The following RAB3IL1 variants were observed in gnomAD, a reference collection of about 807,000 sequenced individuals.
The protein encoded by RAB3IL1 is guanine nucleotide exchange factor for Rab-3A.
A neutral mutation model predicts 49.2 loss-of-function variants in RAB3IL1; 37 were observed. That is an observed-to-expected ratio of 0.75 (90% CI 0.58 to 0.99). The LOEUF (loss-of-function observed/expected upper bound fraction) is 0.99, where lower values mean the gene tolerates loss of function less well. Among genes scored for constraint, RAB3IL1 ranks in the 50% least tolerant of loss-of-function variants. RAB3IL1 has a pLI of 0.00. For synonymous variants in RAB3IL1, 193 were observed against 213.9 expected, an observed-to-expected ratio of 0.90 and a Z score of 0.85; for missense variants, 484 against 513.0, an observed-to-expected ratio of 0.94 and a Z score of 0.55.
intron 1 of RAB3IL1, among the ~76,000 whole-genome samples, chr11:61,909,025 C>T (rs1939343597): frequency 6.6e-6 from 1 of 152,174 alleles, no homozygotes; most frequent in Non-Finnish European, 1.5e-5. Flanking sequence ...GGCCTCATTC[C>T]GCCCCCACCC....
the RAB3IL1 span, among the ~76,000 whole-genome samples, chr11:61,934,345 CACACACATAT>C: frequency 6.9e-3 from 804 of 117,264 alleles, 7 homozygotes; most frequent in African/African-American, 0.02. Context: ...CACACACACA[CACACACATAT>C]GTATATATAT....
the RAB3IL1 span, among the ~76,000 whole-genome samples, chr11:61,934,446 GTATGTATATATATATATATA>G: frequency 6.5e-3 from 158 of 24,404 alleles, 4 homozygotes; most frequent in African/African-American, 0.011. Context: ...GTGTGTGTGT[GTATGTATATATATATATATA>G]TATATATATA....
the RAB3IL1 span, among the ~76,000 whole-genome samples, chr11:61,927,025 G>C: frequency 6.6e-6 from 1 of 151,996 alleles, no homozygotes. Flanking sequence ...TGTATTTTTA[G>C]TAGAGACGGG....
the RAB3IL1 span, among the ~76,000 whole-genome samples, chr11:61,926,104 C>CAAAAAAAAAAAAAAAAAAAAAAAAAAA: frequency 1.6e-5 from 1 of 64,064 alleles, no homozygotes; most frequent in Non-Finnish European, 3.0e-5. Flanking sequence ...TCCTTCCTGC[C>CAAAAAAAAAAAAAAAAAAAAAAAAAAA]AAAAAAAAAA....
chr11:61,916,417 C>G (rs1939690466), intron 1 of RAB3IL1, among the ~76,000 whole-genome samples: 1 of 152,144 alleles, frequency 6.6e-6, no homozygotes, highest in Admixed American at 6.5e-5. Context: ...ACACCCCCTG[C>G]TGGGGATGAA....
chr11:61,935,608 A>G, the RAB3IL1 span, among the ~76,000 whole-genome samples: 1 of 151,786 alleles, frequency 6.6e-6, no homozygotes, highest in Non-Finnish European at 1.5e-5. Flanking sequence ...CCCACCTCCC[A>G]GGTTCAAGTG....
chr11:61,920,141 C>A, upstream of RAB3IL1: 1 of 1,341,136 alleles, frequency 7.5e-7, no homozygotes, highest in South Asian at 1.9e-5. Flanking sequence ...GCCAGGAACA[C>A]GGGACATGTC....
chr11:61,904,166 C>CCCA (rs901908762), intron 7 of RAB3IL1, among the ~76,000 whole-genome samples: 1 of 152,050 alleles, frequency 6.6e-6, no homozygotes, highest in Non-Finnish European at 1.5e-5. Flanking sequence ...CCAATTTCTG[C>CCCA]CCCTTGCTCC....
Position 61,904,535 on chromosome 11 carries a change from C to A in RAB3IL1, c.899+11G>T, listed in dbSNP as rs960353369. On this transcript the variant is annotated intron_variant, in intron 7 of 9. Coordinates refer to ENST00000394836, the MANE Select transcript of RAB3IL1 (RefSeq NM_013401.4). ...CACATGGGCAGGAAGGAGCTAAGAC[C>A]CTCAGCTTACTTGGTGCTGCTACAG... is the stretch of plus-strand genomic sequence containing the variant. 3.1e-6 allele frequency: 5 copies of A among 1,596,180 alleles called. No homozygotes were observed. Among genetic ancestry groups the A allele is most frequent in the South Asian group, 1.1e-5 (1 of 88,570 alleles).
the RAB3IL1 span, among the ~76,000 whole-genome samples, chr11:61,926,177 C>T: frequency 6.8e-6 from 1 of 147,346 alleles, no homozygotes. Context: ...CAGGCAATGG[C>T]AATGCGTTAA....
the RAB3IL1 span, among the ~76,000 whole-genome samples, chr11:61,930,953 A>G: frequency 9.2e-5 from 14 of 152,344 alleles, no homozygotes; most frequent in East Asian, 1.5e-3. Context: ...AGCAAAAATA[A>G]TTAAAGCTAC....
upstream of RAB3IL1, chr11:61,920,249 G>A: frequency 8.1e-7 from 1 of 1,237,602 alleles, no homozygotes; most frequent in Non-Finnish European, 1.0e-6. Flanking sequence ...GAGGTAGCAG[G>A]AGCCTTCTTC....
At chr11:61,934,446 G>GTGTGTGTATATATATA in the RAB3IL1 span, among the ~76,000 whole-genome samples, 6 of 24,398 alleles carry the variant, frequency 2.5e-4, no homozygotes, top group Admixed American at 5.8e-4. Context: ...GTGTGTGTGT[G>GTGTGTGTATATATATA]TATGTATATA....
intron 5 of RAB3IL1, among the ~76,000 whole-genome samples, chr11:61,905,981 G>T (rs967841231): frequency 6.6e-6 from 1 of 152,178 alleles, no homozygotes; most frequent in Non-Finnish European, 1.5e-5. Context: ...CTCTCCAAAG[G>T]CCACGCTTGT....
At chr11:61,934,486 A>G in the RAB3IL1 span, among the ~76,000 whole-genome samples, 1 of 128,344 alleles carries the variant, frequency 7.8e-6, no homozygotes, top group Non-Finnish European at 1.6e-5. Context: ...ATATATATAT[A>G]TATATATATT....
chr11:61,916,987 G>C (rs1217626224), intron 1 of RAB3IL1, among the ~76,000 whole-genome samples: 1 of 142,146 alleles, frequency 7.0e-6, no homozygotes, highest in Non-Finnish European at 1.5e-5. Context: ...TTCATCCAGC[G>C]AAGGGGTTGA....
chr11:61,934,319 T>TACACACACACACAC, the RAB3IL1 span, among the ~76,000 whole-genome samples: 92 of 126,554 alleles, frequency 7.3e-4, no homozygotes, highest in African/African-American at 1.5e-3. Flanking sequence ...TGAGTAAATA[T>TACACACACACACAC]ACACACACAC....
upstream of RAB3IL1, chr11:61,920,091 C>T (rs2134373231): frequency 1.5e-6 from 2 of 1,328,454 alleles, no homozygotes; most frequent in East Asian, 5.8e-5. Context: ...GTACAGGGCA[C>T]AGGCCTGATG....
chr11:61,932,847 C>T, the RAB3IL1 span, among the ~76,000 whole-genome samples: 1 of 150,376 alleles, frequency 6.6e-6, no homozygotes, highest in East Asian at 2.0e-4. Context: ...TCTCAGCTCA[C>T]TGCAACCTCT....
Sources: allele counts gnomAD v4.1 joint callset (sites outside exome capture counted in the v4.1 genomes callset), GRCh38; gene constraint gnomAD v4.1.1; transcripts MANE v1.5; gene names NCBI Gene and HGNC (gene_info 2026-07-23, HGNC 2026-07-21).